HEATR4: variants seen among roughly 807,000 people sequenced by gnomAD.
HEATR4 encodes the protein HEAT repeat-containing protein 4.
HEATR4 carries 95 observed loss-of-function variants against 108.8 expected under a neutral mutation model. The ratio of observed to expected loss-of-function variants is 0.87; its 90% CI spans 0.74 to 1.04. The LOEUF is 1.04. Ranked by LOEUF, HEATR4 falls within the 50% of genes least tolerant of loss-of-function variation. The pLI is 0.00. For synonymous variants in HEATR4, 443 were observed against 459.4 expected (o/e 0.96, Z 0.46); for missense variants, 1,152 against 1,253.8 (o/e 0.92, Z 1.23).
chr14:73,594,538 G>A, the HEATR4 span, among the ~76,000 whole-genome samples: 14,888 of 152,230 alleles, frequency 0.098, 1,035 homozygotes, highest in Admixed American at 0.16. Flanking sequence ...TGTTTGCCAT[G>A]TGTTCAGCCA....
At chr14:73,597,153 A>C in the HEATR4 span, among the ~76,000 whole-genome samples, 1 of 151,526 alleles carries the variant, frequency 6.6e-6, no homozygotes, top group African/African-American at 2.4e-5. Context: ...GCGCAATCTC[A>C]GCTCACTGCA....
chr14:73,626,661 T>TA, the HEATR4 span, among the ~76,000 whole-genome samples: 24 of 146,330 alleles, frequency 1.6e-4, 1 homozygote, highest in South Asian at 4.3e-4. Flanking sequence ...GACCCTGTCT[T>TA]AAAAAAAAAA....
At chr14:73,584,083 T>G in the HEATR4 span, among the ~76,000 whole-genome samples, 1 of 151,126 alleles carries the variant, frequency 6.6e-6, no homozygotes, top group African/African-American at 2.4e-5. Flanking sequence ...CAGATGGGCA[T>G]GTATACAACT....
At chr14:73,612,953 G>C in the HEATR4 span, 14 of 1,252,856 alleles carry the variant, frequency 1.1e-5, no homozygotes, top group Middle Eastern at 5.5e-4. Context: ...GAACAAGCGC[G>C]ACTTTCTCCG....
upstream of HEATR4, among the ~76,000 whole-genome samples, chr14:73,559,573 T>C (rs1889477553): frequency 6.6e-6 from 1 of 151,550 alleles, no homozygotes; most frequent in Admixed American, 6.6e-5. Flanking sequence ...CTACTAAAAA[T>C]AGAAAATTTA....
At chr14:73,574,788 G>C in the HEATR4 span, 2 of 1,545,832 alleles carry the variant, frequency 1.3e-6, no homozygotes, top group Non-Finnish European at 1.8e-6. Flanking sequence ...TGCAAATCTG[G>C]GTAAATGGTA....
At position 73,522,300 on chromosome 14, in the gene HEATR4, G is replaced by GCTTCTT; in HGVS notation, c.847_852dup (p.Lys283_Lys284dup). ...TAGTAAACGGGAAGCAGCAGTTCTG[G>GCTTCTT]CTTCTTCTTTTCCTGTGGGGGCAGG... is the stretch of plus-strand genomic sequence containing the variant. On this transcript the variant is annotated inframe_insertion, in exon 3 of 18. Transcript: ENST00000553558. The GCTTCTT allele has an allele frequency of 1.2e-6, 2 of 1,614,166 alleles. No individual in the cohort carries two copies. The highest frequency in any genetic ancestry group is 1.7e-6 in the Non-Finnish European group (2 of 1,180,024).
At chr14:73,562,766 T>G (rs913362301), upstream of HEATR4, among the ~76,000 whole-genome samples, 6 of 152,024 alleles carry the variant, frequency 3.9e-5, no homozygotes, top group Admixed American at 3.9e-4. Flanking sequence ...TTACTAGGGT[T>G]GGGAAAACTC....
chr14:73,504,595 G>A (rs973882101), intron 10 of HEATR4, among the ~76,000 whole-genome samples: 1 of 152,106 alleles, frequency 6.6e-6, no homozygotes, highest in Non-Finnish European at 1.5e-5. Flanking sequence ...GCTGGTCCAG[G>A]ACTTTAGCAG....
At chr14:73,619,919 CTT>C in the HEATR4 span, 9,243 of 1,150,010 alleles carry the variant, frequency 8.0e-3, no homozygotes, top group Middle Eastern at 0.01. Flanking sequence ...TTTCTTTTCT[CTT>C]TTTTTTTTTT....
rs1402345559 is a variant in HEATR4, at chr14:73,495,231, G to A, written c.2782C>T (p.Gln928Ter). ...AACTCACCCCTAGGAAACCTACCCT[G>A]AAAAGTTTCTTGGAGTAAAGTCTGG... The part of the protein sequence containing the change: ...TLQTLLQETF[Q>*]DEMVLPRRPS... Residue 928 changes from glutamine to a stop codon, truncating the protein, a stop_gained, in exon 16 of 18, where the codon CAG becomes TAG. Coordinates refer to ENST00000553558, the MANE Select transcript of HEATR4 (RefSeq NM_001220484.1). LOFTEE classifies it high-confidence loss of function. 7 of 1,613,040 alleles carry A rather than the reference G, an allele frequency of 4.3e-6. No individual in the cohort carries two copies. Among genetic ancestry groups the A allele is most frequent in the Non-Finnish European group, 5.9e-6 (7 of 1,179,618 alleles).
intron 4 of HEATR4, among the ~76,000 whole-genome samples, chr14:73,519,616 G>A (rs933222745): frequency 1.8e-4 from 28 of 152,290 alleles, no homozygotes; most frequent in African/African-American, 5.5e-4. Context: ...ACAGCTACTC[G>A]GGAGGCTGAG....
At chr14:73,509,995 TC>T (rs533972895) in intron 7 of HEATR4, among the ~76,000 whole-genome samples, 44 of 150,622 alleles carry the variant, frequency 2.9e-4, no homozygotes, top group African/African-American at 1.0e-3. Context: ...TGCCTCAGCC[TC>T]CCGAGTAGCT....
the HEATR4 span, among the ~76,000 whole-genome samples, chr14:73,579,894 A>G: frequency 1.3e-5 from 2 of 152,002 alleles, no homozygotes; most frequent in African/African-American, 4.8e-5. Flanking sequence ...GAAGTTCGAG[A>G]GCAGCCTGGC....
intron 10 of HEATR4, 42 bp from the exon 11 acceptor site, chr14:73,503,055 T>A: frequency 7.0e-7 from 1 of 1,430,934 alleles, no homozygotes; most frequent in Non-Finnish European, 9.8e-7. Flanking sequence ...ACTTAATGAA[T>A]GTTAATTTTG....
chr14:73,587,137 AAAAAC>A, the HEATR4 span, among the ~76,000 whole-genome samples: 1 of 92,616 alleles, frequency 1.1e-5, no homozygotes, highest in East Asian at 8.7e-4. Flanking sequence ...TGGTGTAAAA[AAAAAC>A]AAAAACAAAA....
the HEATR4 span, chr14:73,575,573 T>G: frequency 3.2e-5 from 49 of 1,548,482 alleles, no homozygotes; most frequent in Non-Finnish European, 4.2e-5. Context: ...TCTGCCACAT[T>G]TAGTGTGTGT....
At chr14:73,495,157 C>G in intron 16 of HEATR4, 71 bp downstream of exon 16, 1 of 1,433,586 alleles carries the variant, frequency 7.0e-7, no homozygotes, top group South Asian at 1.3e-5. Flanking sequence ...TACTAAGTCC[C>G]AAAACATCCA....
chr14:73,630,071 T>C, the HEATR4 span, among the ~76,000 whole-genome samples: 2 of 150,792 alleles, frequency 1.3e-5, no homozygotes, highest in East Asian at 2.0e-4. Flanking sequence ...AAAAAAGAAA[T>C]ATGATTGGAC....
Sources: gnomAD v4.1 joint callset for allele counts (sites outside exome capture counted in the v4.1 genomes callset) on GRCh38, gnomAD v4.1.1 for gene constraint, MANE v1.5 for transcripts, NCBI Gene and HGNC (gene_info 2026-07-23, HGNC 2026-07-21) for gene names.